Variants in DRC11 observed in about 807,000 individuals in gnomAD.
The protein encoded by DRC11 is IQ and AAA domain-containing protein 1.
At chr2:236,331,720 A>C in the DRC11 span, 1 of 711,246 alleles carries the variant, frequency 1.4e-6, no homozygotes, top group Non-Finnish European at 2.3e-6. The surrounding 1 kb of genome is among the most constrained non-coding windows in gnomAD (Gnocchi z 4.8). Context: ...ACTCTAGCTT[A>C]TTTGTAACTC....
At chr2:236,322,263 C>G in the DRC11 span, among the ~76,000 whole-genome samples, 2 of 119,568 alleles carry the variant, frequency 1.7e-5, no homozygotes, top group Non-Finnish European at 3.2e-5. Flanking sequence ...GAGACAGAGT[C>G]TCGCTCTGTT....
At chr2:236,468,241 C>G in the DRC11 span, among the ~76,000 whole-genome samples, 1 of 152,096 alleles carries the variant, frequency 6.6e-6, no homozygotes, top group Non-Finnish European at 1.5e-5. Context: ...CAGGTGCACA[C>G]CACCACACCT....
the DRC11 span, chr2:236,391,215 A>G: frequency 6.6e-6 from 1 of 152,252 alleles, no homozygotes; most frequent in Non-Finnish European, 1.5e-5. This position sits in a 1 kb window ranked among gnomAD's most constrained non-coding sequence, Gnocchi z 4.5. Flanking sequence ...ATGGATCAAG[A>G]GCCAGTCATC....
chr2:236,441,974 G>C, the DRC11 span, among the ~76,000 whole-genome samples: 1 of 152,032 alleles, frequency 6.6e-6, no homozygotes, highest in Admixed American at 6.6e-5. Context: ...AGTGTTTCAC[G>C]CCTATAATCC....
chr2:236,387,822 A>G, the DRC11 span, among the ~76,000 whole-genome samples: 7 of 151,890 alleles, frequency 4.6e-5, no homozygotes, highest in African/African-American at 7.3e-5. Context: ...TTCCATGTTT[A>G]GTGCTTCCTT....
the DRC11 span, among the ~76,000 whole-genome samples, chr2:236,317,393 G>C: frequency 1.3e-5 from 2 of 152,138 alleles, no homozygotes; most frequent in African/African-American, 2.4e-5. The surrounding 1 kb of genome is among the most constrained non-coding windows in gnomAD (Gnocchi z 5.4). Context: ...GGAAGTGGAC[G>C]AACTGCGACT....
the DRC11 span, among the ~76,000 whole-genome samples, chr2:236,357,545 T>C: frequency 3.9e-5 from 5 of 127,054 alleles, no homozygotes; most frequent in African/African-American, 1.2e-4. Flanking sequence ...ATAATTTATA[T>C]ATTATTACAT....
At chr2:236,495,422 G>A in the DRC11 span, among the ~76,000 whole-genome samples, 1 of 152,174 alleles carries the variant, frequency 6.6e-6, no homozygotes, top group African/African-American at 2.4e-5. The surrounding 1 kb of genome is among the most constrained non-coding windows in gnomAD (Gnocchi z 5.6). Context: ...AGAGATATTG[G>A]TTGCTCCATC....
the DRC11 span, among the ~76,000 whole-genome samples, chr2:236,412,072 G>C: frequency 6.6e-6 from 1 of 151,556 alleles, no homozygotes; most frequent in Non-Finnish European, 1.5e-5. Context: ...AAAAAAAATT[G>C]TTTGTAGGGA....
chr2:236,320,528 G>A, the DRC11 span, among the ~76,000 whole-genome samples: 21 of 152,280 alleles, frequency 1.4e-4, 1 homozygote, highest in Admixed American at 3.9e-4. Flanking sequence ...CTGAACGCAG[G>A]TGTTTGGTGA....
chr2:236,331,141 G>A, the DRC11 span, among the ~76,000 whole-genome samples: 8 of 152,312 alleles, frequency 5.3e-5, no homozygotes, highest in African/African-American at 1.9e-4. This position sits in a 1 kb window ranked among gnomAD's most constrained non-coding sequence, Gnocchi z 4.8. Flanking sequence ...CAATTGGGCT[G>A]TTAATATATA....
the DRC11 span, among the ~76,000 whole-genome samples, chr2:236,333,550 G>A: frequency 6.6e-6 from 1 of 152,146 alleles, no homozygotes; most frequent in Non-Finnish European, 1.5e-5. This position sits in a 1 kb window ranked among gnomAD's most constrained non-coding sequence, Gnocchi z 6.0. Flanking sequence ...CACAGGTAAG[G>A]CCCCAAAAGC....
the DRC11 span, among the ~76,000 whole-genome samples, chr2:236,423,685 G>A: frequency 6.6e-6 from 1 of 152,118 alleles, no homozygotes; most frequent in Non-Finnish European, 1.5e-5. Context: ...ATTTGACCCA[G>A]CCATCCCATT....
chr2:236,335,149 A>G, the DRC11 span, among the ~76,000 whole-genome samples: 1 of 152,248 alleles, frequency 6.6e-6, no homozygotes, highest in Non-Finnish European at 1.5e-5. This position sits in a 1 kb window ranked among gnomAD's most constrained non-coding sequence, Gnocchi z 5.6. Context: ...ACTGCTGCAC[A>G]CCTTTGAGCT....
At chr2:236,418,638 C>T in the DRC11 span, among the ~76,000 whole-genome samples, 20 of 152,306 alleles carry the variant, frequency 1.3e-4, no homozygotes, top group South Asian at 1.9e-3. Flanking sequence ...CCCTACACGA[C>T]GGAAGGACGG....
the DRC11 span, among the ~76,000 whole-genome samples, chr2:236,357,548 T>C: frequency 3.1e-5 from 4 of 127,068 alleles, no homozygotes; most frequent in East Asian, 7.1e-4. Flanking sequence ...ATTTATATAT[T>C]ATTACATATT....
At chr2:236,356,121 C>A in the DRC11 span, among the ~76,000 whole-genome samples, 2 of 152,102 alleles carry the variant, frequency 1.3e-5, no homozygotes, top group Non-Finnish European at 2.9e-5. Flanking sequence ...CACTCTAACT[C>A]AGCCCTCAGG....
the DRC11 span, among the ~76,000 whole-genome samples, chr2:236,490,265 C>CA: frequency 6.6e-6 from 1 of 152,162 alleles, no homozygotes; most frequent in African/African-American, 2.4e-5. The surrounding 1 kb of genome is among the most constrained non-coding windows in gnomAD (Gnocchi z 5.5). Context: ...AGAGTGAAGA[C>CA]AACTGAGGAT....
the DRC11 span, among the ~76,000 whole-genome samples, chr2:236,479,665 C>T: frequency 6.6e-6 from 1 of 152,120 alleles, no homozygotes; most frequent in Admixed American, 6.6e-5. This position sits in a 1 kb window ranked among gnomAD's most constrained non-coding sequence, Gnocchi z 4.1. Context: ...TTTGTTGTCT[C>T]AATTTACATC....
Sources: gnomAD v4.1 joint callset for allele counts (sites outside exome capture counted in the v4.1 genomes callset) on GRCh38, gnomAD v4.1.1 for gene constraint, Gnocchi (gnomAD v3.1) non-coding constraint, MANE v1.5 for transcripts, NCBI Gene and HGNC (gene_info 2026-07-23, HGNC 2026-07-21) for gene names.